The following MYOCD variants were observed in gnomAD, a reference collection of about 807,000 sequenced individuals.
The protein encoded by MYOCD is myocardin.
Under a neutral mutation model 96.1 loss-of-function variants are expected in MYOCD, and 32 were observed. The observed-to-expected ratio is 0.33, with a 90% CI of 0.25 to 0.45. The LOEUF (loss-of-function observed/expected upper bound fraction) is 0.45. Among genes scored for constraint, MYOCD ranks in the 20% least tolerant of loss-of-function variants. The pLI, the probability that MYOCD is intolerant of heterozygous loss-of-function variation, is 1.00. For synonymous variants in MYOCD, 469 were observed against 469.0 expected, an observed-to-expected ratio of 1.00 and a Z score of 0.00; for missense variants, 1,133 against 1,200.6, an observed-to-expected ratio of 0.94 and a Z score of 0.83.
At chr17:12,697,360 T>TATATA (rs1491327089) in intron 1 of MYOCD, among the ~76,000 whole-genome samples, 567 of 38,532 alleles carry the variant, frequency 0.015, 1 homozygote, top group Non-Finnish European at 0.018. Context: ...TATATATATA[T>TATATA]TTTTTTTTTT....
At chr17:12,728,880 T>A (rs1428289159) in intron 5 of MYOCD, among the ~76,000 whole-genome samples, 1 of 152,192 alleles carries the variant, frequency 6.6e-6, no homozygotes, top group Non-Finnish European at 1.5e-5. Context: ...TAGAAAGCAA[T>A]AATTCAGCCC....
chr17:12,706,054 G>T (rs1400048922), intron 2 of MYOCD: 3 of 152,186 alleles, frequency 2.0e-5, no homozygotes, highest in Non-Finnish European at 4.4e-5. Flanking sequence ...AAAAAATGTT[G>T]TGTAGTTAGT....
chr17:12,699,090 C>A (rs529658746), intron 1 of MYOCD, among the ~76,000 whole-genome samples: 151 of 150,690 alleles, frequency 1.0e-3, no homozygotes, highest in African/African-American at 3.6e-3. Flanking sequence ...TGGAATTTTT[C>A]TCTCTGTTTT....
intron 5 of MYOCD, among the ~76,000 whole-genome samples, chr17:12,724,350 G>C (rs2031934854): frequency 6.6e-6 from 1 of 152,048 alleles, no homozygotes; most frequent in Non-Finnish European, 1.5e-5. Context: ...ATTTTTCCTT[G>C]TGATTATGTA....
intron 1 of MYOCD, among the ~76,000 whole-genome samples, chr17:12,700,399 ATTTTTTTTTTTTT>A (rs952565560): frequency 2.6e-5 from 2 of 76,900 alleles, no homozygotes; most frequent in Admixed American, 1.9e-4. Context: ...CAATGGGAGA[ATTTTTTTTTTTTT>A]TTTTTTTTTT....
intron 12 of MYOCD, chr17:12,760,169 T>TA (rs1164778027): frequency 4.3e-5 from 7 of 162,468 alleles, no homozygotes; most frequent in East Asian, 3.2e-4. Context: ...ATTCAGTCTT[T>TA]AAAAAAAAGA....
At chr17:12,666,923 C>G (rs1303005921) in intron 1 of MYOCD, among the ~76,000 whole-genome samples, 1 of 152,220 alleles carries the variant, frequency 6.6e-6, no homozygotes, top group Non-Finnish European at 1.5e-5. Flanking sequence ...CTAACCGCTT[C>G]TCCAGAAGGG....
intron 7 of MYOCD, among the ~76,000 whole-genome samples, chr17:12,741,124 G>A (rs534685570): frequency 3.9e-5 from 6 of 152,156 alleles, no homozygotes; most frequent in South Asian, 4.2e-4. Context: ...TGACTCTTAC[G>A]GGACTTAAAA....
chr17:12,750,514 C>T (rs551564145), intron 9 of MYOCD, among the ~76,000 whole-genome samples: 1 of 152,110 alleles, frequency 6.6e-6, no homozygotes, highest in Admixed American at 6.5e-5. Flanking sequence ...CATGGTGAAA[C>T]CCCGTCTCTA....
chr17:12,702,620 A>G (rs80024537), intron 1 of MYOCD, among the ~76,000 whole-genome samples: 3,112 of 151,860 alleles, frequency 0.02, 150 homozygotes, highest in Admixed American at 0.11. Context: ...TTTTGTTCCT[A>G]TATTCCCCCT....
chr17:12,684,267 C>T (rs751381398), intron 1 of MYOCD, among the ~76,000 whole-genome samples: 2 of 152,108 alleles, frequency 1.3e-5, no homozygotes, highest in Admixed American at 1.3e-4. Flanking sequence ...TGTCTCTTCC[C>T]ATCGTCTGAG....
intron 10 of MYOCD, among the ~76,000 whole-genome samples, chr17:12,753,980 T>C (rs956157923): frequency 3.3e-5 from 5 of 152,146 alleles, no homozygotes; most frequent in African/African-American, 1.2e-4. Context: ...ACAGAGACAG[T>C]TTAAAAGTAA....
At chr17:12,744,734 A>AT (rs2032612746) in intron 8 of MYOCD, among the ~76,000 whole-genome samples, 1 of 152,232 alleles carries the variant, frequency 6.6e-6, no homozygotes, top group Non-Finnish European at 1.5e-5. Flanking sequence ...TTAGGCATAT[A>AT]TACCTGTGAT....
chr17:12,756,588 G>A (rs1415457872), intron 11 of MYOCD, 31 bp downstream of exon 11: 2 of 1,527,420 alleles, frequency 1.3e-6, no homozygotes, highest in Non-Finnish European at 1.8e-6. Context: ...CTCAACCTGG[G>A]ATTCACTTTG....
intron 6 of MYOCD, among the ~76,000 whole-genome samples, chr17:12,737,638 C>T (rs528693046): frequency 6.6e-6 from 1 of 152,318 alleles, no homozygotes; most frequent in Non-Finnish European, 1.5e-5. Context: ...ACCCTCAGCC[C>T]CTTCCCTTTA....
At chr17:12,735,583 T>C (rs1175223619) in intron 5 of MYOCD, among the ~76,000 whole-genome samples, 3 of 152,216 alleles carry the variant, frequency 2.0e-5, no homozygotes, top group African/African-American at 7.2e-5. Flanking sequence ...AGTCATGCAT[T>C]CGTTGAATGG....
chr17:12,743,074 G>A (rs1373923037), intron 7 of MYOCD, among the ~76,000 whole-genome samples: 1 of 152,130 alleles, frequency 6.6e-6, no homozygotes, highest in Admixed American at 6.5e-5. Flanking sequence ...TGCAGGTGAG[G>A]AAACTGAGAT....
At chr17:12,719,698 CAAAAA>C (rs57311284) in intron 4 of MYOCD, among the ~76,000 whole-genome samples, 9 of 106,316 alleles carry the variant, frequency 8.5e-5, no homozygotes, top group Admixed American at 1.1e-4. Flanking sequence ...ACTAAAAATA[CAAAAA>C]AAAAAAAAAA....
chr17:12,741,935 A>G (rs935195016), intron 7 of MYOCD, among the ~76,000 whole-genome samples: 2 of 152,088 alleles, frequency 1.3e-5, no homozygotes, highest in Non-Finnish European at 2.9e-5. Context: ...AGAGAATAGT[A>G]ATAGTAGCCT....
Sources: gnomAD v4.1 joint callset for allele counts (sites outside exome capture counted in the v4.1 genomes callset) on GRCh38, gnomAD v4.1.1 for gene constraint, MANE v1.5 for transcripts, NCBI Gene and HGNC (gene_info 2026-07-23, HGNC 2026-07-21) for gene names.